Variants in CDC42BPB observed in about 807,000 individuals in gnomAD.
The protein encoded by CDC42BPB is CDC42 binding protein kinase beta.
In CDC42BPB, 37 loss-of-function variants were observed where a neutral mutation model predicts 214.9. The ratio of observed to expected loss-of-function variants is 0.17; its 90% CI spans 0.13 to 0.23. The LOEUF is 0.23. Among genes scored for constraint, CDC42BPB ranks in the 10% least tolerant of loss-of-function variants. The pLI, the probability that CDC42BPB is intolerant of heterozygous loss-of-function variation, is 1.00. For missense variants in CDC42BPB, 1,694 were observed against 2,227.0 expected (o/e 0.76, Z 4.82); for synonymous variants, 931 against 884.0 (o/e 1.05, Z -0.94).
At chr14:102,934,007 C>T in intron 36 of CDC42BPB, 164 bp from the exon 37 acceptor site, 3 of 1,369,132 alleles carry the variant, frequency 2.2e-6, no homozygotes, top group Non-Finnish European at 2.8e-6. Flanking sequence ...TCGTGGGGCC[C>T]TTAGGCGTGC....
chr14:103,016,434 G>A (rs1416020914), intron 1 of CDC42BPB, among the ~76,000 whole-genome samples: 1 of 152,180 alleles, frequency 6.6e-6, no homozygotes, highest in African/African-American at 2.4e-5. Flanking sequence ...GATTGGCTGG[G>A]GTGTGGGGTG....
intron 19 of CDC42BPB, among the ~76,000 whole-genome samples, chr14:102,963,610 C>T (rs901179807): frequency 6.6e-5 from 10 of 152,210 alleles, no homozygotes; most frequent in Non-Finnish European, 1.2e-4. Context: ...CAGGCTGCCA[C>T]GGGGAACACC....
intron 20 of CDC42BPB, among the ~76,000 whole-genome samples, chr14:102,962,007 A>G (rs1892983727): frequency 6.6e-6 from 1 of 152,264 alleles, no homozygotes; most frequent in South Asian, 2.1e-4. Context: ...AAGCGGGCAA[A>G]CAATAAAAAC....
At chr14:103,033,203 C>T (rs911891666) in intron 1 of CDC42BPB, among the ~76,000 whole-genome samples, 4 of 151,852 alleles carry the variant, frequency 2.6e-5, no homozygotes, top group Non-Finnish European at 5.9e-5. Context: ...ATATGCTCTA[C>T]CTCTTTTTGT....
chr14:103,007,390 G>C (rs533640325), intron 3 of CDC42BPB, among the ~76,000 whole-genome samples: 2 of 152,158 alleles, frequency 1.3e-5, no homozygotes, highest in African/African-American at 4.8e-5. Context: ...GATCTGGCCC[G>C]AATCGATGGT....
At position 102,995,771 on chromosome 14, in the gene CDC42BPB, A is replaced by AGCCACGCCGTAAAGTTG. The variant is rs1894700256; in HGVS notation, c.596+3777_596+3793dup. On this transcript the variant is annotated intron_variant, in intron 5 of 36. Transcript: ENST00000361246. ...GGGCTCCAAACCATGCTGTAACGTC[A>AGCCACGCCGTAAAGTTG]GCCACGCCGTAAAGTTGGCCACACC... 2.6e-5 allele frequency among the ~76,000 whole-genome samples: 4 copies of AGCCACGCCGTAAAGTTG among 152,340 alleles called. No homozygotes were observed. In the South Asian group the frequency reaches 8.3e-4, roughly 32 times the overall value.
rs1256670764 is a variant in CDC42BPB, at chr14:102,942,375, T to C, written c.4408+1516A>G. ...GATGCCGTCTCAGCAAGGCTGACAA[T>C]GGGGCAGACAAAGGGGTTTAGCTTC... On this transcript the variant is annotated intron_variant, in intron 30 of 36. Transcript: ENST00000361246. Among the ~76,000 whole-genome samples, 8 of 152,156 alleles carry C rather than the reference T, an allele frequency of 5.3e-5. No homozygotes were observed. The East Asian group carries it at 1.2e-3, about 22-fold the overall frequency.
intron 7 of CDC42BPB, chr14:102,981,285 T>C: frequency 1.4e-6 from 1 of 705,906 alleles, no homozygotes; most frequent in Non-Finnish European, 1.7e-6. Context: ...GCAAGGAATG[T>C]GGGAAACATG....
chr14:102,934,110 G>A, intron 36 of CDC42BPB: 2 of 999,792 alleles, frequency 2.0e-6, no homozygotes, highest in Non-Finnish European at 2.6e-6. Flanking sequence ...GAAGAAATCA[G>A]ATGGGGCCGG....
chr14:102,940,183 CG>C, intron 31 of CDC42BPB, 43 bp downstream of exon 31: 1 of 1,612,996 alleles, frequency 6.2e-7, no homozygotes, highest in Non-Finnish European at 8.5e-7. Context: ...CAGACTGCAC[CG>C]GGAGAAGCCC....
chr14:103,039,650 G>A (rs972089201), intron 1 of CDC42BPB, among the ~76,000 whole-genome samples: 2 of 152,062 alleles, frequency 1.3e-5, no homozygotes, highest in African/African-American at 2.4e-5. Context: ...ATGAAAACCC[G>A]CAGCTAATGC....
chr14:102,980,117 G>A (rs1893931919), intron 8 of CDC42BPB, among the ~76,000 whole-genome samples: 1 of 152,218 alleles, frequency 6.6e-6, no homozygotes, highest in South Asian at 2.1e-4. Context: ...ATGTCTTGGT[G>A]TCTTTCAACC....
Position 103,004,056 on chromosome 14 carries a change from C to T in CDC42BPB, c.352-33G>A, listed in dbSNP as rs1227232540. 12 of 1,561,886 alleles carry T rather than the reference C, an allele frequency of 7.7e-6. No individual in the cohort carries two copies. Among genetic ancestry groups the T allele is most frequent in the Non-Finnish European group, 9.5e-6 (11 of 1,156,662 alleles). ...GCAACGAGGGGTGTCAGTCTGTGTTCACTGGGAAGCAGGCCAGAGAGCGTA... is the reference window on the plus strand; with the variant it reads ...GCAACGAGGGGTGTCAGTCTGTGTTTACTGGGAAGCAGGCCAGAGAGCGTA... On this transcript the variant is annotated intron_variant, in intron 3 of 36. Coordinates refer to ENST00000361246, the MANE Select transcript of CDC42BPB (RefSeq NM_006035.4). The surrounding 1 kb of genome is among the most constrained non-coding windows in gnomAD (Gnocchi z 5.3).
chr14:103,054,164 A>G (rs1888810639), intron 1 of CDC42BPB, among the ~76,000 whole-genome samples: 1 of 152,186 alleles, frequency 6.6e-6, no homozygotes, highest in South Asian at 2.1e-4. Flanking sequence ...GCACCAGGCC[A>G]TAATCTTCCT....
intron 30 of CDC42BPB, among the ~76,000 whole-genome samples, chr14:102,942,032 T>C (rs1028461978): frequency 6.6e-6 from 1 of 152,228 alleles, no homozygotes; most frequent in Non-Finnish European, 1.5e-5. Flanking sequence ...TATAAATACA[T>C]TGCACTAAGT....
intron 5 of CDC42BPB, among the ~76,000 whole-genome samples, chr14:102,991,385 A>G (rs1894481599): frequency 6.6e-6 from 1 of 152,260 alleles, no homozygotes; most frequent in Non-Finnish European, 1.5e-5. Flanking sequence ...CAACATGCCA[A>G]TGTCACAACA....
Position 102,939,845 on chromosome 14 carries a change from C to T in CDC42BPB, c.4694G>A (p.Arg1565Lys). The T allele has an allele frequency of 6.2e-7, 1 of 1,614,102 alleles. No homozygotes were observed. The highest frequency in any genetic ancestry group is 1.6e-4 in the Middle Eastern group (1 of 6,062). ...RFVFKVPEEERLQQRREMLRD... is the reference protein window; with the variant it reads ...RFVFKVPEEEKLQQRREMLRD... Reference sequence around the variant, plus strand: ...CCGCTCCTACCGCCTCTGCTGCAGTCTCTCTTCCTCTGGGACCTTGAAGAC... The same window carrying T: ...CCGCTCCTACCGCCTCTGCTGCAGTTTCTCTTCCTCTGGGACCTTGAAGAC... The change falls in exon 33 of 37, where the codon AGA becomes AAA. Residue 1565 changes from arginine to lysine, a missense_variant. Coordinates refer to ENST00000361246, the MANE Select transcript of CDC42BPB (RefSeq NM_006035.4).
chr14:102,933,692 C>T lies in CDC42BPB; in HGVS notation c.*20G>A, dbSNP rs762818594. The T allele has an allele frequency of 5.5e-6, 8 of 1,441,782 alleles. No homozygotes were observed. The highest frequency in any genetic ancestry group is 4.7e-5 in the South Asian group (3 of 64,512). 89.3% of individuals were successfully genotyped at this position (1,441,782 alleles called of 1,614,324 possible). ...GGAGGCCATCTCCAGCTCCCTGGCCCCTGTGGCGAGCTGGCGGCTTCAGGT... is the reference window on the plus strand; with the variant it reads ...GGAGGCCATCTCCAGCTCCCTGGCCTCTGTGGCGAGCTGGCGGCTTCAGGT... On this transcript the variant is annotated 3_prime_UTR_variant, in exon 37 of 37. Transcript: ENST00000361246.
intron 1 of CDC42BPB, among the ~76,000 whole-genome samples, chr14:103,020,986 A>C (rs1241472065): frequency 1.3e-5 from 2 of 152,258 alleles, no homozygotes; most frequent in Non-Finnish European, 2.9e-5. Flanking sequence ...CGAGTCTGAG[A>C]AAAGTGACTC....
Sources: allele counts gnomAD v4.1 joint callset (sites outside exome capture counted in the v4.1 genomes callset), GRCh38; gene constraint gnomAD v4.1.1; non-coding constraint Gnocchi (gnomAD v3.1); transcripts MANE v1.5; gene names NCBI Gene and HGNC (gene_info 2026-07-23, HGNC 2026-07-21).